Variants in CSMD1 observed in about 807,000 individuals in gnomAD.
The protein encoded by CSMD1 is CUB and sushi domain-containing protein 1.
In CSMD1, 213 loss-of-function variants were observed where a neutral mutation model predicts 417.5. The observed-to-expected ratio is 0.51, with a 90% CI of 0.46 to 0.57. The LOEUF is 0.57. CSMD1 is among the 20% of genes least tolerant of loss of function. CSMD1 has a pLI of 0.00. For synonymous variants in CSMD1, 2,862 were observed against 1,736.8 expected, an observed-to-expected ratio of 1.65 and a Z score of -16.11; for missense variants, 6,923 against 4,529.7, an observed-to-expected ratio of 1.53 and a Z score of -15.17.
intron 1 of CSMD1, among the ~76,000 whole-genome samples, chr8:4,715,094 C>A (rs745791988): frequency 3.5e-4 from 53 of 152,250 alleles, no homozygotes; most frequent in Non-Finnish European, 7.1e-4. Flanking sequence ...ACACTCCAGT[C>A]CTCTCATCAC....
chr8:4,308,234 T>G (rs780339630), intron 3 of CSMD1, among the ~76,000 whole-genome samples: 1 of 152,004 alleles, frequency 6.6e-6, no homozygotes. Flanking sequence ...TGGTATGCAG[T>G]CATGTATAGT....
intron 5 of CSMD1, among the ~76,000 whole-genome samples, chr8:3,784,225 T>C (rs1270615216): frequency 6.6e-6 from 1 of 152,176 alleles, no homozygotes; most frequent in East Asian, 1.9e-4. Context: ...ACAAATTATT[T>C]TTTAAAAGGA....
At chr8:3,422,003 C>A (rs775136463) in intron 12 of CSMD1, among the ~76,000 whole-genome samples, 1 of 146,184 alleles carries the variant, frequency 6.8e-6, no homozygotes, top group Non-Finnish European at 1.5e-5. Context: ...CGTGAGCCAC[C>A]GCGCCCGGCC....
intron 5 of CSMD1, among the ~76,000 whole-genome samples, chr8:3,928,900 C>T (rs576055868): frequency 4.7e-5 from 7 of 149,206 alleles, no homozygotes; most frequent in Admixed American, 1.3e-4. Flanking sequence ...TATCAGTGAT[C>T]TTTCTTTTCG....
chr8:4,053,782 G>C, intron 3 of CSMD1, among the ~76,000 whole-genome samples: 1 of 152,226 alleles, frequency 6.6e-6, no homozygotes, highest in East Asian at 1.9e-4. Context: ...TTAGATTAGA[G>C]AATAAACCAG....
chr8:3,859,123 A>G (rs909566712), intron 5 of CSMD1, among the ~76,000 whole-genome samples: 1 of 152,144 alleles, frequency 6.6e-6, no homozygotes, highest in Non-Finnish European at 1.5e-5. Context: ...GAGTACTATG[A>G]TTCAACCTAT....
chr8:3,444,545 T>C (rs1185985008), intron 12 of CSMD1, among the ~76,000 whole-genome samples: 1 of 152,078 alleles, frequency 6.6e-6, no homozygotes, highest in Non-Finnish European at 1.5e-5. Context: ...GGCATTGGTA[T>C]TTGCACACTG....
intron 33 of CSMD1, 38 bp downstream of exon 33, chr8:3,199,676 C>G (rs770576931): frequency 2.1e-6 from 3 of 1,412,828 alleles, no homozygotes; most frequent in East Asian, 5.0e-5. Flanking sequence ...TCAGGAAAGA[C>G]CACAGTGACA....
intron 40 of CSMD1, among the ~76,000 whole-genome samples, chr8:3,144,603 G>A (rs757411606): frequency 2.0e-5 from 3 of 152,152 alleles, no homozygotes; most frequent in East Asian, 3.9e-4. Context: ...ATCGTCTGCT[G>A]TATATAATCA....
At chr8:3,850,414 G>T (rs1396379148) in intron 5 of CSMD1, among the ~76,000 whole-genome samples, 1 of 152,164 alleles carries the variant, frequency 6.6e-6, no homozygotes, top group Admixed American at 6.5e-5. Flanking sequence ...TTCGCATTAA[G>T]CCTGGCATGG....
chr8:3,431,861 C>G (rs1814236512), intron 12 of CSMD1, among the ~76,000 whole-genome samples: 1 of 152,174 alleles, frequency 6.6e-6, no homozygotes, highest in Non-Finnish European at 1.5e-5. Context: ...TGCCACCACG[C>G]CCACAGTGAG....
At chr8:3,063,283 T>A (rs1486410890) in intron 49 of CSMD1, among the ~76,000 whole-genome samples, 1 of 152,194 alleles carries the variant, frequency 6.6e-6, no homozygotes, top group African/African-American at 2.4e-5. Context: ...TGACTTAACC[T>A]ATTTCAGCTT....
At chr8:3,560,748 TCA>T (rs1799434447) in intron 10 of CSMD1, among the ~76,000 whole-genome samples, 1 of 152,216 alleles carries the variant, frequency 6.6e-6, no homozygotes, top group Admixed American at 6.5e-5. Flanking sequence ...TAGCAGCCTT[TCA>T]GGAGAACTTT....
intron 5 of CSMD1, among the ~76,000 whole-genome samples, chr8:3,821,007 C>T (rs532121714): frequency 6.6e-6 from 1 of 152,076 alleles, no homozygotes; most frequent in Non-Finnish European, 1.5e-5. Context: ...ACCTCCACAT[C>T]CCGGGTTCAA....
intron 10 of CSMD1, among the ~76,000 whole-genome samples, chr8:3,512,723 C>T (rs1044431972): frequency 6.6e-6 from 1 of 151,514 alleles, no homozygotes; most frequent in South Asian, 2.1e-4. Flanking sequence ...ATTCTCCTGC[C>T]TCAGCTTCCC....
chr8:3,291,366 T>C (rs553343537), intron 25 of CSMD1, among the ~76,000 whole-genome samples: 1 of 152,158 alleles, frequency 6.6e-6, no homozygotes, highest in Non-Finnish European at 1.5e-5. Context: ...GATTCCCATC[T>C]TTTTCTTTTG....
chr8:4,680,149 A>C (rs960055424), intron 1 of CSMD1, among the ~76,000 whole-genome samples: 48 of 152,350 alleles, frequency 3.2e-4, no homozygotes, highest in African/African-American at 1.2e-3. Context: ...GAATATACAC[A>C]GCAGTGTATG....
At chr8:4,120,776 G>A (rs564306672) in intron 3 of CSMD1, among the ~76,000 whole-genome samples, 19 of 152,278 alleles carry the variant, frequency 1.2e-4, no homozygotes, top group African/African-American at 4.6e-4. Context: ...GTTAAAACAT[G>A]TCACTTTCCA....
At chr8:4,375,483 T>TGG (rs1379943637) in intron 3 of CSMD1, among the ~76,000 whole-genome samples, 1 of 152,166 alleles carries the variant, frequency 6.6e-6, no homozygotes, top group East Asian at 1.9e-4. Flanking sequence ...GTCCATCTTA[T>TGG]GGAGTCTCCT....
Sources: allele counts gnomAD v4.1 joint callset (sites outside exome capture counted in the v4.1 genomes callset), GRCh38; gene constraint gnomAD v4.1.1; transcripts MANE v1.5; gene names NCBI Gene and HGNC (gene_info 2026-07-23, HGNC 2026-07-21).